Variants in MED12L observed in about 807,000 individuals in gnomAD.
MED12L encodes the protein mediator of RNA polymerase II transcription subunit 12-like protein.
In MED12L, 60 loss-of-function variants were observed where a neutral mutation model predicts 281.3. The observed-to-expected ratio is 0.21, with a 90% CI of 0.17 to 0.26. The LOEUF is 0.26. MED12L is among the 10% of genes least tolerant of loss of function. The probability of loss-of-function intolerance (pLI) is 1.00; values close to 1 mark genes in which losing one functional copy is unlikely to be tolerated. For synonymous variants in MED12L, 974 were observed against 987.2 expected, an observed-to-expected ratio of 0.99 and a Z score of 0.25; for missense variants, 2,146 against 2,680.9, an observed-to-expected ratio of 0.80 and a Z score of 4.41.
chr3:151,320,624 G>A lies in MED12L; in HGVS notation c.2251-29435G>A, dbSNP rs180904116. ...TGTATCTATCAGGTCTGCTTTACAC[G>A]AAACACCTTTTTCTGGTATGAGAAC... is the stretch of plus-strand genomic sequence containing the variant. On this transcript the variant is annotated intron_variant, in intron 16 of 44. Coordinates refer to ENST00000687756, the MANE Select transcript of MED12L (RefSeq NM_001393769.1). Among the ~76,000 whole-genome samples, 410 of 152,164 alleles carry A rather than the reference G, an allele frequency of 2.7e-3. 3 individuals carry two copies. The highest frequency in any genetic ancestry group is 3.8e-3 in the Non-Finnish European group (256 of 67,982).
intron 3 of MED12L, among the ~76,000 whole-genome samples, chr3:151,121,919 G>A (rs1235498430): frequency 6.6e-6 from 1 of 151,246 alleles, no homozygotes; most frequent in African/African-American, 2.4e-5. Context: ...TCACTGTGTT[G>A]GCCAGGCTGG....
intron 16 of MED12L, among the ~76,000 whole-genome samples, chr3:151,196,955 A>C (rs550011570): frequency 6.6e-6 from 1 of 152,336 alleles, no homozygotes; most frequent in East Asian, 1.9e-4. Context: ...TGGATTTACC[A>C]GCGGTTTTTA....
intron 3 of MED12L, among the ~76,000 whole-genome samples, chr3:151,117,962 G>A (rs1032095912): frequency 6.6e-6 from 1 of 151,002 alleles, no homozygotes; most frequent in Non-Finnish European, 1.5e-5. Context: ...GTGGTGGTGG[G>A]CGCCTGTAAT....
chr3:151,138,506 C>G (rs1716473625), intron 5 of MED12L, among the ~76,000 whole-genome samples: 1 of 152,054 alleles, frequency 6.6e-6, no homozygotes, highest in South Asian at 2.1e-4. Context: ...CCTAATGACC[C>G]TTTTCCATTT....
intron 2 of MED12L, among the ~76,000 whole-genome samples, chr3:151,102,936 A>G (rs770367428): frequency 6.6e-6 from 1 of 152,196 alleles, no homozygotes; most frequent in African/African-American, 2.4e-5. Flanking sequence ...AGTGTAAGTC[A>G]ATTAACTGGA....
At chr3:151,207,064 T>A (rs1157917013) in intron 16 of MED12L, among the ~76,000 whole-genome samples, 2 of 150,974 alleles carry the variant, frequency 1.3e-5, no homozygotes, top group Non-Finnish European at 1.5e-5. Context: ...TTTTTTTTTT[T>A]AAGACAGGGT....
At chr3:151,196,285 C>G (rs1313904675) in intron 16 of MED12L, among the ~76,000 whole-genome samples, 1 of 152,174 alleles carries the variant, frequency 6.6e-6, no homozygotes, top group African/African-American at 2.4e-5. Flanking sequence ...GCCCTAAACT[C>G]CCTGTTACCA....
chr3:151,342,439 A>T (rs1751980429), intron 16 of MED12L, among the ~76,000 whole-genome samples: 1 of 152,234 alleles, frequency 6.6e-6, no homozygotes, highest in South Asian at 2.1e-4. Flanking sequence ...TTCACAGTGC[A>T]GAGCAGCAGC....
intron 16 of MED12L, among the ~76,000 whole-genome samples, chr3:151,313,235 C>T (rs1747787990): frequency 6.6e-6 from 1 of 152,136 alleles, no homozygotes. Context: ...GCACCTGATG[C>T]CTCCTTTGGG....
At position 151,356,437 on chromosome 3, in the gene MED12L, C is replaced by T. The variant is rs577793435; in HGVS notation, c.2661+398C>T. ...AATTTAAAAAATAAAAATCAATGAA[C>T]CAATTGCTGTACATTAACATCATTT... On this transcript the variant is annotated intron_variant, in intron 19 of 44. Coordinates refer to ENST00000687756, the MANE Select transcript of MED12L (RefSeq NM_001393769.1). Among the ~76,000 whole-genome samples the T allele has an allele frequency of 2.6e-5, 4 of 152,088 alleles. No individual in the cohort carries two copies. In the South Asian group the frequency reaches 8.3e-4, roughly 32 times the overall value.
At chr3:151,233,487 A>G (rs1732114168) in intron 16 of MED12L, among the ~76,000 whole-genome samples, 1 of 152,196 alleles carries the variant, frequency 6.6e-6, no homozygotes. Context: ...TAATCCCAAC[A>G]CTTTGGGAGG....
At chr3:151,357,431 G>C in intron 20 of MED12L, 55 bp downstream of exon 20, 27 of 1,460,170 alleles carry the variant, frequency 1.8e-5, no homozygotes, top group Non-Finnish European at 2.5e-5. Context: ...TATAACTAGT[G>C]ATGAAATATT....
At chr3:151,210,187 A>G (rs1373626936) in intron 16 of MED12L, among the ~76,000 whole-genome samples, 2 of 152,208 alleles carry the variant, frequency 1.3e-5, no homozygotes, top group African/African-American at 4.8e-5. Flanking sequence ...AAATTGGATC[A>G]TGTTCCATCC....
chr3:151,208,153 T>G (rs1285065193), intron 16 of MED12L, among the ~76,000 whole-genome samples: 2 of 152,234 alleles, frequency 1.3e-5, no homozygotes, highest in Non-Finnish European at 2.9e-5. Context: ...TTCATACTGT[T>G]AGCCAGATAT....
chr3:151,189,287 C>T (rs552751227), intron 13 of MED12L, among the ~76,000 whole-genome samples: 21 of 152,050 alleles, frequency 1.4e-4, no homozygotes, highest in Non-Finnish European at 2.5e-4. Flanking sequence ...AAAGGGCTCT[C>T]TCAGTTATTT....
At chr3:151,152,316 G>A (rs1320787076) in intron 5 of MED12L, among the ~76,000 whole-genome samples, 1 of 151,848 alleles carries the variant, frequency 6.6e-6, no homozygotes, top group African/African-American at 2.4e-5. Flanking sequence ...TGCCCAGGCT[G>A]GCCTCAAACT....
At chr3:151,181,747 G>C (rs1341661281) in intron 11 of MED12L, among the ~76,000 whole-genome samples, 3 of 151,822 alleles carry the variant, frequency 2.0e-5, no homozygotes, top group Non-Finnish European at 4.4e-5. Flanking sequence ...CACCATACCT[G>C]GCTAATTTTT....
chr3:151,157,808 A>T (rs144385472), intron 6 of MED12L, among the ~76,000 whole-genome samples: 2 of 152,340 alleles, frequency 1.3e-5, no homozygotes, highest in East Asian at 3.9e-4. Flanking sequence ...AACAGTTGCT[A>T]GGAACAAAGT....
intron 11 of MED12L, among the ~76,000 whole-genome samples, chr3:151,181,739 C>A (rs1576905577): frequency 6.6e-6 from 1 of 152,024 alleles, no homozygotes; most frequent in South Asian, 2.1e-4. Context: ...GCATGCGCCA[C>A]CATACCTGGC....
Sources: gnomAD v4.1 joint callset for allele counts (sites outside exome capture counted in the v4.1 genomes callset) on GRCh38, gnomAD v4.1.1 for gene constraint, MANE v1.5 for transcripts, NCBI Gene and HGNC (gene_info 2026-07-23, HGNC 2026-07-21) for gene names.